PCSK6: variants seen among roughly 807,000 people sequenced by gnomAD.
PCSK6 encodes the protein proprotein convertase subtilisin/kexin type 6.
In PCSK6, 85 loss-of-function variants were observed where a neutral mutation model predicts 123.3. The ratio of observed to expected loss-of-function variants is 0.69; its 90% CI spans 0.58 to 0.83. PCSK6 has a LOEUF of 0.83. PCSK6 is among the 40% of genes least tolerant of loss of function. The pLI, the probability that PCSK6 is intolerant of heterozygous loss-of-function variation, is 0.00. For synonymous variants in PCSK6, 508 were observed against 516.0 expected (o/e 0.98, Z 0.21); for missense variants, 1,191 against 1,282.3 (o/e 0.93, Z 1.09).
chr15:101,448,632 T>C (rs2056953856), intron 1 of PCSK6, among the ~76,000 whole-genome samples: 1 of 152,220 alleles, frequency 6.6e-6, no homozygotes, highest in South Asian at 2.1e-4. Flanking sequence ...AGGGAGTAGA[T>C]GTTATGACCA....
At chr15:101,307,422 AC>A in intron 20 of PCSK6, 97 bp from the exon 21 acceptor site, 3 of 803,686 alleles carry the variant, frequency 3.7e-6, no homozygotes, top group Non-Finnish European at 2.0e-6. Context: ...CCTCCTTCCC[AC>A]CCCCTCAGCC....
At chr15:101,464,949 G>A (rs11638263) in intron 1 of PCSK6, among the ~76,000 whole-genome samples, 109,423 of 151,652 alleles carry the variant, frequency 0.72, 40,457 homozygotes, top group Non-Finnish European at 0.82. Context: ...CCTAAGCAAG[G>A]GGACAGAGGC....
At chr15:101,369,053 T>TG (rs1474822010) in intron 12 of PCSK6, among the ~76,000 whole-genome samples, 3 of 151,868 alleles carry the variant, frequency 2.0e-5, no homozygotes, top group Non-Finnish European at 4.4e-5. Context: ...AAGGAGAATG[T>TG]GGGATGGGCT....
At chr15:101,454,973 AATGAATG>A (rs2057139261) in intron 1 of PCSK6, among the ~76,000 whole-genome samples, 7 of 145,284 alleles carry the variant, frequency 4.8e-5, no homozygotes, top group African/African-American at 1.7e-4. Context: ...TGAATGAATG[AATGAATG>A]AATAAATAAA....
chr15:101,345,920 G>A (rs1416407664), intron 13 of PCSK6, among the ~76,000 whole-genome samples: 6 of 152,114 alleles, frequency 3.9e-5, no homozygotes, highest in African/African-American at 1.2e-4. Flanking sequence ...CGCCTGCCTC[G>A]GCCTCCCAAA....
intron 19 of PCSK6, 149 bp downstream of exon 19, chr15:101,318,170 G>A (rs748257539): frequency 1.6e-6 from 1 of 622,470 alleles, no homozygotes; most frequent in Non-Finnish European, 2.9e-6. Context: ...CCAGTCCCTG[G>A]TAGGGCCTTT....
intron 6 of PCSK6, among the ~76,000 whole-genome samples, chr15:101,421,149 G>A (rs1321896514): frequency 6.6e-6 from 1 of 152,138 alleles, no homozygotes; most frequent in Non-Finnish European, 1.5e-5. Context: ...GTTTCACCAT[G>A]TTGGCAGGCT....
intron 6 of PCSK6, among the ~76,000 whole-genome samples, chr15:101,399,507 G>C (rs1596291697): frequency 1.3e-5 from 2 of 152,080 alleles, no homozygotes; most frequent in South Asian, 4.1e-4. Context: ...GGGGTGAGGG[G>C]CTCCCATAAG....
intron 1 of PCSK6, among the ~76,000 whole-genome samples, chr15:101,464,040 G>A (rs1022848955): frequency 2.6e-5 from 4 of 152,188 alleles, no homozygotes; most frequent in African/African-American, 7.2e-5. Flanking sequence ...AGAAGTGTCC[G>A]CAGGGCAGGG....
Position 101,489,212 on chromosome 15 carries a change from C to T in PCSK6, c.297+162G>A, listed in dbSNP as rs866220726. Among the ~76,000 whole-genome samples the T allele has an allele frequency of 1.3e-3, 171 of 126,718 alleles. 2 individuals are homozygous for T. The highest frequency in any genetic ancestry group is 9.2e-3 in the Middle Eastern group (2 of 218). 83.1% of individuals were successfully genotyped at this position (126,718 alleles called of 152,430 possible). The stretch of plus-strand genomic sequence containing the variant: ...CGCGCCCCCCCGGGCGACACCCCCC[C>T]CCGCAGGGCGCCCCGGCCGCCCGCC... On this transcript the variant is annotated intron_variant, in intron 1 of 21. Coordinates refer to ENST00000611716, the MANE Select transcript of PCSK6 (RefSeq NM_002570.5).
intron 10 of PCSK6, among the ~76,000 whole-genome samples, chr15:101,383,359 G>A (rs980684221): frequency 5.6e-5 from 8 of 143,418 alleles, no homozygotes; most frequent in Non-Finnish European, 9.0e-5. Context: ...GCAGTGAGCC[G>A]AGATCGTGCC....
At chr15:101,469,277 AT>A (rs1385287929) in intron 1 of PCSK6, among the ~76,000 whole-genome samples, 1 of 152,182 alleles carries the variant, frequency 6.6e-6, no homozygotes, top group Non-Finnish European at 1.5e-5. Flanking sequence ...GGGGGAGAGG[AT>A]AATAATCCAG....
rs139463245 is a variant in PCSK6 at position 101,319,478 on chromosome 15, C to T, written c.2466-1056G>A. Among the ~76,000 whole-genome samples the T allele has an allele frequency of 1.4e-3, 216 of 152,334 alleles. 2 individuals are homozygous for T. The highest frequency in any genetic ancestry group is 4.8e-3 in the African/African-American group (201 of 41,574). On this transcript the variant is annotated intron_variant, in intron 18 of 21. Transcript: ENST00000611716. ...TAAAACCCTTGGAATTATCAAAGTGCTAAATGTCTTTAATAACTGATAGCT... is the reference window on the plus strand; with the variant it reads ...TAAAACCCTTGGAATTATCAAAGTGTTAAATGTCTTTAATAACTGATAGCT...
At chr15:101,440,318 T>A (rs1186819526) in intron 2 of PCSK6, among the ~76,000 whole-genome samples, 1 of 152,164 alleles carries the variant, frequency 6.6e-6, no homozygotes, top group Non-Finnish European at 1.5e-5. Context: ...TAAAGGTAAT[T>A]AAGAATGCAA....
At chr15:101,465,401 G>A (rs537198192) in intron 1 of PCSK6, among the ~76,000 whole-genome samples, 10 of 152,342 alleles carry the variant, frequency 6.6e-5, no homozygotes, top group Non-Finnish European at 1.5e-4. Context: ...ATGGAAACAG[G>A]ACCATCTGAT....
chr15:101,361,162 C>CTTTTT, intron 13 of PCSK6, among the ~76,000 whole-genome samples: 1 of 120,012 alleles, frequency 8.3e-6, no homozygotes. Context: ...TTCTTTCTCT[C>CTTTTT]TCTTTTTTTT....
intron 7 of PCSK6, among the ~76,000 whole-genome samples, chr15:101,395,498 C>T (rs2042382712): frequency 6.6e-6 from 1 of 152,252 alleles, no homozygotes; most frequent in South Asian, 2.1e-4. Context: ...CAACCTTTCC[C>T]CTCCTTAAAA....
chr15:101,360,684 G>T (rs2041194345), intron 13 of PCSK6, among the ~76,000 whole-genome samples: 1 of 137,488 alleles, frequency 7.3e-6, no homozygotes, highest in Non-Finnish European at 1.6e-5. Flanking sequence ...GGGGGCCTTA[G>T]CATCCCCTGG....
At chr15:101,327,295 C>T (rs1012016345) in intron 15 of PCSK6, among the ~76,000 whole-genome samples, 2 of 152,290 alleles carry the variant, frequency 1.3e-5, no homozygotes, top group East Asian at 1.9e-4. Flanking sequence ...CAGCAAACCT[C>T]ACCCTCTAGG....
Sources: gnomAD v4.1 joint callset for allele counts (sites outside exome capture counted in the v4.1 genomes callset) on GRCh38, gnomAD v4.1.1 for gene constraint, MANE v1.5 for transcripts, NCBI Gene and HGNC (gene_info 2026-07-23, HGNC 2026-07-21) for gene names.